CRYBG1: variants seen among roughly 807,000 people sequenced by gnomAD.
CRYBG1 encodes crystallin beta-gamma domain containing 1.
A neutral mutation model predicts 189.2 loss-of-function variants in CRYBG1; 139 were observed. That is an observed-to-expected ratio of 0.73 (90% CI 0.64 to 0.85). The LOEUF is 0.85. Among genes scored for constraint, CRYBG1 ranks in the 40% least tolerant of loss-of-function variants. The pLI, the probability that CRYBG1 is intolerant of heterozygous loss-of-function variation, is 0.00. For synonymous variants in CRYBG1, 1,023 were observed against 1,017.1 expected, an observed-to-expected ratio of 1.01 and a Z score of -0.11; for missense variants, 2,611 against 2,675.8, an observed-to-expected ratio of 0.98 and a Z score of 0.53.
At chr6:106,544,365 T>C (rs1774211750) in intron 11 of CRYBG1, among the ~76,000 whole-genome samples, 1 of 152,136 alleles carries the variant, frequency 6.6e-6, no homozygotes, top group Admixed American at 6.6e-5. Flanking sequence ...TTCCCTTTTT[T>C]ATACAACTCT....
chr6:106,499,148 G>C (rs146066623), intron 2 of CRYBG1, among the ~76,000 whole-genome samples: 2 of 23,750 alleles, frequency 8.4e-5, no homozygotes, highest in Non-Finnish European at 1.7e-4. Flanking sequence ...TTGTTTGTTT[G>C]TTTGTTTGTT....
intron 2 of CRYBG1, among the ~76,000 whole-genome samples, chr6:106,503,193 C>T (rs1181416802): frequency 1.3e-5 from 2 of 152,214 alleles, no homozygotes; most frequent in East Asian, 3.9e-4. Context: ...GGGCCTCCCA[C>T]TGGCTGAACC....
chr6:106,411,920 C>G (rs1245113035), intron 1 of CRYBG1, among the ~76,000 whole-genome samples: 1 of 152,218 alleles, frequency 6.6e-6, no homozygotes, highest in Admixed American at 6.5e-5. Flanking sequence ...GAGGTCCCAG[C>G]AAGCTGCTTC....
At chr6:106,450,326 T>A (rs1264660407) in intron 1 of CRYBG1, among the ~76,000 whole-genome samples, 2 of 152,208 alleles carry the variant, frequency 1.3e-5, no homozygotes, top group African/African-American at 4.8e-5. Flanking sequence ...TCTAAAGTGT[T>A]AACACTTTGC....
intron 3 of CRYBG1, among the ~76,000 whole-genome samples, chr6:106,515,000 A>G (rs1773385891): frequency 6.6e-6 from 1 of 152,230 alleles, no homozygotes; most frequent in Non-Finnish European, 1.5e-5. Context: ...CTATGACCGT[A>G]TCGCAAGATG....
chr6:106,449,979 C>T (rs932533704), intron 1 of CRYBG1, among the ~76,000 whole-genome samples: 7 of 152,148 alleles, frequency 4.6e-5, no homozygotes, highest in African/African-American at 1.4e-4. Context: ...AATCCCGGCA[C>T]TTTGGGAGGC....
chr6:106,507,670 C>T (rs1773160840), intron 2 of CRYBG1, among the ~76,000 whole-genome samples: 1 of 152,192 alleles, frequency 6.6e-6, no homozygotes, highest in Admixed American at 6.5e-5. Flanking sequence ...ACTCCCAGGC[C>T]AGCTAGTTTT....
chr6:106,380,728 A>G (rs1283561769), intron 1 of CRYBG1, among the ~76,000 whole-genome samples: 1 of 152,170 alleles, frequency 6.6e-6, no homozygotes, highest in East Asian at 1.9e-4. Flanking sequence ...GTCTTTTATC[A>G]TAGGGTTTGT....
In CRYBG1 at chr6:106,570,447, C is replaced by T. The variant is rs1327012504; in HGVS notation, c.*1881C>T. On this transcript the variant is annotated 3_prime_UTR_variant, in exon 22 of 22. Transcript: ENST00000633556. Reference sequence around the variant, plus strand: ...CTTAAATAAACTTGCTTCTGGTTAACTATGTTGATGAAATCTGAGAGTCCA... The same window carrying T: ...CTTAAATAAACTTGCTTCTGGTTAATTATGTTGATGAAATCTGAGAGTCCA... 1 of 152,186 alleles carries T rather than the reference C, an allele frequency of 6.6e-6. No homozygotes were observed. Among genetic ancestry groups the T allele is most frequent in the African/African-American group, 2.4e-5 (1 of 41,444 alleles). The allele number at this position is 152,186 out of a possible 1,614,324, so 9.4% of individuals were successfully genotyped here.
chr6:106,489,244 T>C (rs1772661133), intron 2 of CRYBG1, among the ~76,000 whole-genome samples: 1 of 152,116 alleles, frequency 6.6e-6, no homozygotes, highest in African/African-American at 2.4e-5. Context: ...CCTGGTGCTA[T>C]CCAGCAACTT....
chr6:106,547,287 T>G (rs898165810), intron 13 of CRYBG1, among the ~76,000 whole-genome samples: 8 of 152,214 alleles, frequency 5.3e-5, no homozygotes, highest in Non-Finnish European at 1.0e-4. Flanking sequence ...TCATATTTTG[T>G]TCGATTTGTC....
At chr6:106,555,036 G>A (rs965327497) in intron 16 of CRYBG1, among the ~76,000 whole-genome samples, 9 of 151,404 alleles carry the variant, frequency 5.9e-5, no homozygotes, top group Non-Finnish European at 1.3e-4. Context: ...GTGGTGGCAT[G>A]CACCTGTAGT....
intron 1 of CRYBG1, among the ~76,000 whole-genome samples, chr6:106,430,955 G>A (rs1465910792): frequency 1.3e-5 from 2 of 152,052 alleles, no homozygotes; most frequent in Admixed American, 6.6e-5. Flanking sequence ...ACCACCTCCC[G>A]GGTTCAAGTG....
chr6:106,533,093 A>G (rs1239483834), intron 8 of CRYBG1, among the ~76,000 whole-genome samples: 1 of 152,254 alleles, frequency 6.6e-6, no homozygotes, highest in Non-Finnish European at 1.5e-5. Context: ...CAAAGGCTAC[A>G]AGAAACATAA....
chr6:106,466,321 G>C (rs904879130), intron 2 of CRYBG1, among the ~76,000 whole-genome samples: 1 of 152,200 alleles, frequency 6.6e-6, no homozygotes, highest in South Asian at 2.1e-4. Flanking sequence ...TAAATAAGGA[G>C]AGGGATTCAA....
intron 7 of CRYBG1, among the ~76,000 whole-genome samples, chr6:106,528,091 T>A (rs1248707350): frequency 6.6e-6 from 1 of 152,140 alleles, no homozygotes; most frequent in African/African-American, 2.4e-5. Context: ...ATCCCAAGTT[T>A]TAATGGAGAC....
At chr6:106,557,585 GTGTT>G (rs754356715) in intron 17 of CRYBG1, among the ~76,000 whole-genome samples, 34 of 151,416 alleles carry the variant, frequency 2.2e-4, no homozygotes, top group South Asian at 8.4e-4. Context: ...TAATTTTTTT[GTGTT>G]TGTTTGTTTG....
chr6:106,388,295 G>A (rs1027137189), intron 1 of CRYBG1, among the ~76,000 whole-genome samples: 1 of 152,104 alleles, frequency 6.6e-6, no homozygotes, highest in African/African-American at 2.4e-5. Context: ...AATTTTCTAG[G>A]TCCTGAACTA....
intron 1 of CRYBG1, among the ~76,000 whole-genome samples, chr6:106,378,478 G>A (rs1770219038): frequency 6.6e-6 from 1 of 152,206 alleles, no homozygotes; most frequent in African/African-American, 2.4e-5. Flanking sequence ...TGCCTGTGGG[G>A]ATTGCTGTGC....
Sources: gnomAD v4.1 joint callset for allele counts (sites outside exome capture counted in the v4.1 genomes callset) on GRCh38, gnomAD v4.1.1 for gene constraint, MANE v1.5 for transcripts, NCBI Gene and HGNC (gene_info 2026-07-23, HGNC 2026-07-21) for gene names.